The following SLC41A1 variants were observed in gnomAD, a reference collection of about 807,000 sequenced individuals.
The protein encoded by SLC41A1 is solute carrier family 41 member 1, also known as solute carrier family 41 (magnesium transporter), member 1.
SLC41A1 carries 20 observed loss-of-function variants against 47.3 expected under a neutral mutation model. That is an observed-to-expected ratio of 0.42 (90% CI 0.30 to 0.61). The LOEUF is 0.61. Among genes scored for constraint, SLC41A1 ranks in the 20% least tolerant of loss-of-function variants. The probability of loss-of-function intolerance (pLI) is 0.17; values close to 1 mark genes in which losing one functional copy is unlikely to be tolerated. For synonymous variants in SLC41A1, 282 were observed against 272.7 expected, an observed-to-expected ratio of 1.03 and a Z score of -0.34; for missense variants, 504 against 674.1, an observed-to-expected ratio of 0.75 and a Z score of 2.79.
chr1:205,795,072 C>T, intron 9 of SLC41A1, 54 bp from the exon 10 acceptor site: 1 of 1,605,566 alleles, frequency 6.2e-7, no homozygotes, highest in Non-Finnish European at 8.5e-7. Context: ...GACCTGGCCC[C>T]AGAAGGCCTT....
rs1350788766 is a variant in SLC41A1, at chr1:205,799,006, C to A, written c.648G>T (p.Leu216=). The A allele has an allele frequency of 6.2e-7, 1 of 1,614,046 alleles. No individual in the cohort carries two copies. Among genetic ancestry groups the A allele is most frequent in the South Asian group, 1.1e-5 (1 of 91,088 alleles). Residue 216 remains leucine, a synonymous_variant, in exon 5 of 11, where the codon CTG becomes CTT. Coordinates refer to ENST00000367137, the MANE Select transcript of SLC41A1 (RefSeq NM_173854.6). ...CTGTGGCCACGCTGCTAGCACAGAGCAGGAAGGCGTGCGGAATACTGAAGT... is the reference window on the plus strand; with the variant it reads ...CTGTGGCCACGCTGCTAGCACAGAGAAGGAAGGCGTGCGGAATACTGAAGT... The part of the protein sequence containing the change: ...DGHFSIPHAF[L]LCASSVATAF...
chr1:205,809,539 G>A (rs1656095644), intron 2 of SLC41A1, among the ~76,000 whole-genome samples: 1 of 152,194 alleles, frequency 6.6e-6, no homozygotes, highest in South Asian at 2.1e-4. Flanking sequence ...ATTATGCCAA[G>A]GTTACAGGAA....
intron 2 of SLC41A1, among the ~76,000 whole-genome samples, chr1:205,803,701 A>AAT (rs1389544319): frequency 6.7e-6 from 1 of 149,182 alleles, no homozygotes; most frequent in East Asian, 2.0e-4. Flanking sequence ...GCAGTGGTGC[A>AAT]ATCATGGCTT....
chr1:205,795,214 C>G, intron 9 of SLC41A1, 130 bp downstream of exon 9: 1 of 1,514,474 alleles, frequency 6.6e-7, no homozygotes, highest in Non-Finnish European at 9.0e-7. Context: ...CTCTGCCCTT[C>G]AGAACAGCTG....
chr1:205,790,677 A>C lies in SLC41A1; in HGVS notation c.*856T>G, dbSNP rs1655605482. The C allele has an allele frequency of 6.6e-6, 1 of 152,284 alleles. No homozygotes were observed. Among genetic ancestry groups the C allele is most frequent in the African/African-American group, 2.4e-5 (1 of 41,458 alleles). 9.4% of individuals were successfully genotyped at this position (152,284 alleles called of 1,614,324 possible). ...CAACCTGGCAAGCTCTGGGGAAGGT[A>C]GTGCTTAGAGACAATTTGAGATGAA... is the stretch of plus-strand genomic sequence containing the variant. On this transcript the variant is annotated 3_prime_UTR_variant, in exon 11 of 11. Coordinates refer to ENST00000367137, the MANE Select transcript of SLC41A1 (RefSeq NM_173854.6).
In SLC41A1 at chr1:205,795,305, A is replaced by C. The variant is rs56052552; in HGVS notation, c.1207+39T>G. 0.042 allele frequency: 67,593 copies of C among 1,613,492 alleles called. 1,602 individuals carry two copies. The highest frequency in any genetic ancestry group is 0.055 in the South Asian group (5,015 of 91,016). ...AGTGAAGCTCACTGACAGTAGGCCC[A>C]CTCCCCCCAGGGCTGGGAGGCTGGG... On this transcript the variant is annotated intron_variant, in intron 9 of 10. Transcript: ENST00000367137.
At chr1:205,793,966 T>C (rs544714536) in intron 10 of SLC41A1, among the ~76,000 whole-genome samples, 14 of 152,218 alleles carry the variant, frequency 9.2e-5, no homozygotes, top group Non-Finnish European at 1.8e-4. Context: ...TTTTGAACTA[T>C]GTGACTATTC....
At chr1:205,812,678 C>A in intron 1 of SLC41A1, 130 bp downstream of exon 1, 1 of 918,978 alleles carries the variant, frequency 1.1e-6, no homozygotes, top group Non-Finnish European at 1.3e-6. Context: ...TCCCCAACCC[C>A]GAGGAGGGAG....
At chr1:205,798,589 ACT>A in intron 6 of SLC41A1, 78 bp downstream of exon 6, 1 of 1,592,018 alleles carries the variant, frequency 6.3e-7, no homozygotes, top group Non-Finnish European at 8.6e-7. Context: ...CACAGAAGAA[ACT>A]CTTGCACATT....
intron 8 of SLC41A1, chr1:205,795,709 C>G (rs1655735097): frequency 3.3e-6 from 2 of 607,998 alleles, no homozygotes; most frequent in Non-Finnish European, 5.8e-6. Context: ...CCATCCTCCC[C>G]TCTATGGAGA....
At chr1:205,804,081 T>C (rs1655956571) in intron 2 of SLC41A1, among the ~76,000 whole-genome samples, 1 of 152,218 alleles carries the variant, frequency 6.6e-6, no homozygotes, top group African/African-American at 2.4e-5. Flanking sequence ...CGTAGTACTA[T>C]TGAACAGCAC....
intron 2 of SLC41A1, among the ~76,000 whole-genome samples, chr1:205,805,671 G>T (rs2102509011): frequency 6.6e-6 from 1 of 152,334 alleles, no homozygotes; most frequent in South Asian, 2.1e-4. Flanking sequence ...ACCTTGGTGT[G>T]AGGGGCTCAT....
intron 2 of SLC41A1, among the ~76,000 whole-genome samples, chr1:205,806,445 C>T (rs1284646174): frequency 6.6e-6 from 1 of 152,230 alleles, no homozygotes; most frequent in Non-Finnish European, 1.5e-5. Context: ...AAATAAGGAC[C>T]TGTCTTAACC....
At chr1:205,798,167 G>A in intron 6 of SLC41A1, 116 bp from the exon 7 acceptor site, 1 of 1,439,210 alleles carries the variant, frequency 6.9e-7, no homozygotes, top group Non-Finnish European at 9.6e-7. Context: ...CTAAATGCCA[G>A]TAAACACATT....
intron 7 of SLC41A1, 76 bp from the exon 8 acceptor site, chr1:205,797,079 G>C: frequency 2.3e-6 from 3 of 1,301,990 alleles, no homozygotes; most frequent in Non-Finnish European, 3.3e-6. Context: ...GAGAGGTCCA[G>C]GCCCACCTAT....
At position 205,791,593 on chromosome 1, in the gene SLC41A1, T is replaced by A; in HGVS notation, c.1482A>T (p.Leu494=). ...GCCAGAGAACATGGAAGCTGAGTGC[T>A]AGGAGCCCAGTGCCAAGCAGGTCCC... ...ALGDLLGTGL[L]ALSFHVLWLI... is the part of the protein sequence containing the mutation. Residue 494 remains leucine (L), a synonymous_variant, in exon 11 of 11, where the codon CTA becomes CTT. Transcript: ENST00000367137. This position sits in a 1 kb window ranked among gnomAD's most constrained non-coding sequence, Gnocchi z 4.0. 3 of 1,614,116 alleles carry A rather than the reference T, an allele frequency of 1.9e-6. No individual in the cohort carries two copies. The highest frequency in any genetic ancestry group is 2.5e-6 in the Non-Finnish European group (3 of 1,180,016).
At chr1:205,799,686 C>A (rs1274362196) in intron 4 of SLC41A1, 73 bp downstream of exon 4, 98 of 1,514,954 alleles carry the variant, frequency 6.5e-5, no homozygotes, top group Non-Finnish European at 8.7e-5. Flanking sequence ...CCTGCTGGGG[C>A]TGACCTAAGC....
At chr1:205,809,789 C>T (rs906974529) in intron 2 of SLC41A1, among the ~76,000 whole-genome samples, 1 of 152,058 alleles carries the variant, frequency 6.6e-6, no homozygotes, top group Admixed American at 6.6e-5. Context: ...AAGCAACGAC[C>T]CTGTTCCATC....
Position 205,794,918 on chromosome 1 carries a change from G to T in SLC41A1, c.1308C>A (p.Thr436=). 1.2e-6 allele frequency: 2 copies of T among 1,614,082 alleles called. No individual in the cohort carries two copies. Among genetic ancestry groups the T allele is most frequent in the Middle Eastern group, 1.7e-4 (1 of 6,056 alleles). Residue 436 remains threonine, a synonymous_variant, in exon 10 of 11, where the codon ACC becomes ACA. Transcript: ENST00000367137. The part of the protein sequence containing the change: ...TISCMQGGHT[T]LTLIFIIFYM... Reference sequence around the variant, plus strand: ...AGAAGATGATGAAGATGAGTGTGAGGGTGGTGTGCCCGCCCTGCATACAGC... The same window carrying T: ...AGAAGATGATGAAGATGAGTGTGAGTGTGGTGTGCCCGCCCTGCATACAGC...
Sources: gnomAD v4.1 joint callset for allele counts (sites outside exome capture counted in the v4.1 genomes callset) on GRCh38, gnomAD v4.1.1 for gene constraint, Gnocchi (gnomAD v3.1) non-coding constraint, MANE v1.5 for transcripts, NCBI Gene and HGNC (gene_info 2026-07-23, HGNC 2026-07-21) for gene names.